The following USF2 variants were observed in gnomAD, a reference collection of about 807,000 sequenced individuals.
USF2 encodes upstream transcription factor 2, c-fos interacting, also known as upstream stimulatory factor 2.
A neutral mutation model predicts 46.9 loss-of-function variants in USF2; 16 were observed. The ratio of observed to expected loss-of-function variants is 0.34; its 90% CI spans 0.23 to 0.52. The LOEUF is 0.52. Ranked by LOEUF, USF2 falls within the 20% of genes least tolerant of loss-of-function variation. The probability of loss-of-function intolerance (pLI) is 0.96; values close to 1 mark genes in which losing one functional copy is unlikely to be tolerated. For synonymous variants in USF2, 239 were observed against 194.1 expected (o/e 1.23, Z -1.92); for missense variants, 411 against 474.0 (o/e 0.87, Z 1.23).
In USF2 at chr19:35,270,735, A is replaced by G. The variant is rs763069146; in HGVS notation, c.598A>G (p.Met200Val). The G allele has an allele frequency of 3.7e-6, 6 of 1,614,004 alleles. No homozygotes were observed. Among genetic ancestry groups the G allele is most frequent in the Non-Finnish European group, 5.1e-6 (6 of 1,179,980 alleles). The change falls in exon 6 of 10, where the codon ATG (methionine) becomes GTG (valine). Residue 200 changes from methionine (M) to valine (V), a missense_variant. This residue lies in a region of USF2 where 318 missense variants were observed against 322.4 expected (regional missense o/e 0.99). Coordinates refer to ENST00000222305, the MANE Select transcript of USF2 (RefSeq NM_003367.4). ...CCCTGCAGGCCAGTTCTACGTCATG[A>G]TGACGCCCCAGGATGTGCTTCAGAC... ...LQAGGQFYVM[M>V]TPQDVLQTGT...
At chr19:35,274,848 G>T (rs562146899) in intron 7 of USF2, among the ~76,000 whole-genome samples, 1 of 152,356 alleles carries the variant, frequency 6.6e-6, no homozygotes, top group African/African-American at 2.4e-5. Flanking sequence ...TGGGGCATGT[G>T]TGCGCTGCCT....
In USF2 at chr19:35,269,577, C is replaced by T; in HGVS notation, c.110-4C>T. 1 of 1,582,012 alleles carries T rather than the reference C, an allele frequency of 6.3e-7. No individual in the cohort carries two copies. On this transcript the variant is annotated splice_polypyrimidine_tract_variant and splice_region_variant and intron_variant, in intron 2 of 9. Transcript: ENST00000222305. ...GACCGTGCCCCGACCCTCCTCGGCCCCAGGCGGGGACGGCCCAGGAGCGGA... is the reference window on the plus strand; with the variant it reads ...GACCGTGCCCCGACCCTCCTCGGCCTCAGGCGGGGACGGCCCAGGAGCGGA...
chr19:35,276,148 T>G (rs1380676131), intron 7 of USF2, among the ~76,000 whole-genome samples: 3 of 140,320 alleles, frequency 2.1e-5, no homozygotes, highest in African/African-American at 7.8e-5. Flanking sequence ...CTCGGCTCAC[T>G]ACAACCTCCA....
intron 1 of USF2, 39 bp from the exon 2 acceptor site, chr19:35,269,407 G>C: frequency 7.3e-7 from 1 of 1,376,212 alleles, no homozygotes; most frequent in Middle Eastern, 2.7e-4. Flanking sequence ...GCGCGGGCGC[G>C]GGCCGCGCTG....
At chr19:35,275,415 A>T (rs541492642) in intron 7 of USF2, 1 of 141,314 alleles carries the variant, frequency 7.1e-6, no homozygotes, top group Non-Finnish European at 1.5e-5. Flanking sequence ...CCCCAACCCC[A>T]GCTTTTTAAG....
rs752215010 is a variant in USF2, at chr19:35,279,599, C to T, written c.*343C>T. On this transcript the variant is annotated 3_prime_UTR_variant, in exon 10 of 10. Coordinates refer to ENST00000222305, the MANE Select transcript of USF2 (RefSeq NM_003367.4). Reference sequence around the variant, plus strand: ...CTCCTGCTCTCTGGAGGTACTGAGACAGGGTGCTGATGGGAAGGAGGGGAG... The same window carrying T: ...CTCCTGCTCTCTGGAGGTACTGAGATAGGGTGCTGATGGGAAGGAGGGGAG... The T allele has an allele frequency of 3.7e-6, 1 of 273,364 alleles. No homozygotes were observed. The highest frequency in any genetic ancestry group is 6.8e-6 in the Non-Finnish European group (1 of 146,396). The allele number at this position is 273,364 out of a possible 1,614,324, so 16.9% of individuals were successfully genotyped here. A position where few individuals can be genotyped will look rare whatever the true frequency, so the allele number is the denominator to read the frequency against.
intron 9 of USF2, 44 bp from the exon 10 acceptor site, chr19:35,279,123 A>C: frequency 6.2e-7 from 1 of 1,612,760 alleles, no homozygotes; most frequent in Non-Finnish European, 8.5e-7. Context: ...CCCAGATGCA[A>C]GGCGCTGGCC....
chr19:35,279,282 G>T lies in USF2; in HGVS notation c.*26G>T. On this transcript the variant is annotated 3_prime_UTR_variant, in exon 10 of 10. Transcript: ENST00000222305. Reference sequence around the variant, plus strand: ...CGCCCGCCACCACCACGCAGCCGCCGCCGCCCACGCCGGCCTCTGCTGCCC... The same window carrying T: ...CGCCCGCCACCACCACGCAGCCGCCTCCGCCCACGCCGGCCTCTGCTGCCC... 6.8e-7 allele frequency: 1 copy of T among 1,476,866 alleles called. No homozygotes were observed. The allele number at this position is 1,476,866 out of a possible 1,614,324, so 91.5% of individuals were successfully genotyped here. A position where few individuals can be genotyped will look rare whatever the true frequency, so the allele number is the denominator to read the frequency against.
chr19:35,276,069 CTTT>C (rs752967792), intron 7 of USF2, among the ~76,000 whole-genome samples: 2 of 112,042 alleles, frequency 1.8e-5, no homozygotes, highest in Non-Finnish European at 3.5e-5. Context: ...TGAATTTTCT[CTTT>C]TTTTTTTTTT....
intron 4 of USF2, chr19:35,270,230 G>GT (rs764926616): frequency 3.2e-5 from 29 of 901,770 alleles, no homozygotes; most frequent in Non-Finnish European, 4.5e-5. Flanking sequence ...TAAGAGGAAA[G>GT]TTTCTTAGAG....
rs1425963674 is a variant in USF2 at position 35,270,532 on chromosome 19, C to T, written c.515C>T (p.Ala172Val). 1.9e-6 allele frequency: 3 copies of T among 1,614,040 alleles called. No individual in the cohort carries two copies. Among genetic ancestry groups the T allele is most frequent in the South Asian group, 1.1e-5 (1 of 91,088 alleles). The change falls in exon 5 of 10, where the codon GCG (alanine) becomes GTG (valine). Residue 172 changes from alanine to valine, a missense_variant. By Grantham distance (64) the Ala-to-Val change is moderately conservative. Around this residue, in one of 2 missense-constraint regions of USF2, gnomAD observed 318 missense variants for 322.4 expected, o/e 0.99. Transcript: ENST00000222305. ...SGEARFAYFP[A>V]SSVGDTTAVS... ...GAGGCACGATTTGCCTATTTCCCAG[C>T]GTCCAGTGTGGGAGATACTACGGCT...
chr19:35,278,967 A>G lies in USF2; in HGVS notation c.844A>G (p.Lys282Glu), dbSNP rs1193802654. Residue 282 changes from lysine (K) to glutamate (E), a missense_variant, in exon 9 of 10, where the codon AAG (lysine) becomes GAG (glutamate). Around this residue, in one of 2 missense-constraint regions of USF2, gnomAD observed 93 missense variants for 151.6 expected, o/e 0.61. Transcript: ENST00000222305. ...TGASKGGILS[K>E]ACDYIRELRQ... ...CCAGAGTAAAGGAGGGATCCTGTCC[A>G]AGGCCTGCGATTACATCCGGGAGTT... 2 of 1,554,026 alleles carry G rather than the reference A, an allele frequency of 1.3e-6. No individual in the cohort carries two copies. The highest frequency in any genetic ancestry group is 1.9e-5 in the Admixed American group (1 of 52,218).
At chr19:35,269,540 C>T (rs752453338) in intron 2 of USF2, 41 bp from the exon 3 acceptor site, 17 of 1,550,972 alleles carry the variant, frequency 1.1e-5, no homozygotes, top group Non-Finnish European at 1.5e-5. Flanking sequence ...TGGGGGCGCT[C>T]GGCGCGGCCC....
chr19:35,275,127 AC>A (rs2066214625), intron 7 of USF2: 1 of 151,078 alleles, frequency 6.6e-6, no homozygotes, highest in South Asian at 2.1e-4. Flanking sequence ...GCTTACTACA[AC>A]CTCTGCCTCC....
intron 4 of USF2, 141 bp from the exon 5 acceptor site, chr19:35,270,306 A>G: frequency 7.7e-7 from 1 of 1,293,740 alleles, no homozygotes; most frequent in African/African-American, 1.5e-5. Flanking sequence ...TGTTTGAAAC[A>G]CAGGACAGAA....
chr19:35,273,065 C>T (rs954268345), intron 7 of USF2, among the ~76,000 whole-genome samples: 2 of 152,030 alleles, frequency 1.3e-5, no homozygotes, highest in Admixed American at 6.6e-5. Flanking sequence ...CACTCTCACC[C>T]CCGCCTCTCC....
At chr19:35,272,322 G>C (rs1280154467) in intron 7 of USF2, among the ~76,000 whole-genome samples, 1 of 152,156 alleles carries the variant, frequency 6.6e-6, no homozygotes, top group African/African-American at 2.4e-5. Context: ...TGGGGAAGAA[G>C]GTGGCGGGTG....
chr19:35,269,566 C>G lies in USF2; in HGVS notation c.110-15C>G. On this transcript the variant is annotated splice_polypyrimidine_tract_variant and intron_variant, in intron 2 of 9. Coordinates refer to ENST00000222305, the MANE Select transcript of USF2 (RefSeq NM_003367.4). ...GGCGCGGCCCTGACCGTGCCCCGAC[C>G]CTCCTCGGCCCCAGGCGGGGACGGC... The G allele has an allele frequency of 6.4e-7, 1 of 1,572,460 alleles. No individual in the cohort carries two copies. Among genetic ancestry groups the G allele is most frequent in the Non-Finnish European group, 8.6e-7 (1 of 1,160,872 alleles).
intron 7 of USF2, among the ~76,000 whole-genome samples, chr19:35,273,431 C>T (rs931194789): frequency 4.6e-5 from 7 of 152,236 alleles, no homozygotes; most frequent in African/African-American, 1.7e-4. Context: ...CCACTGTTAA[C>T]AGTGAAATTT....
Sources: gnomAD v4.1 joint callset for allele counts (sites outside exome capture counted in the v4.1 genomes callset) on GRCh38, gnomAD v4.1.1 for gene constraint, gnomAD v4.1.1 regional missense constraint, MANE v1.5 for transcripts, NCBI Gene and HGNC (gene_info 2026-07-23, HGNC 2026-07-21) for gene names.